ZNF804B: variants seen among roughly 807,000 people sequenced by gnomAD.
ZNF804B encodes the protein zinc finger protein 804B.
A neutral mutation model predicts 101.4 loss-of-function variants in ZNF804B; 80 were observed. That is an observed-to-expected ratio of 0.79 (90% CI 0.66 to 0.95). ZNF804B has a LOEUF of 0.95. Among genes scored for constraint, ZNF804B ranks in the 40% least tolerant of loss-of-function variants. ZNF804B has a pLI of 0.00. For synonymous variants in ZNF804B, 622 were observed against 558.8 expected (o/e 1.11, Z -1.59); for missense variants, 1,673 against 1,561.9 (o/e 1.07, Z -1.20).
intron 1 of ZNF804B, among the ~76,000 whole-genome samples, chr7:88,947,280 G>A (rs1793148825): frequency 6.6e-6 from 1 of 151,994 alleles, no homozygotes; most frequent in Admixed American, 6.6e-5. Flanking sequence ...GCTCATCAGT[G>A]ATAGACCGGA....
At chr7:88,773,731 A>T (rs146380115) in intron 1 of ZNF804B, among the ~76,000 whole-genome samples, 313 of 152,136 alleles carry the variant, frequency 2.1e-3, no homozygotes, top group African/African-American at 7.3e-3. Context: ...GGGAGGTTTT[A>T]GGAAGCTTAC....
intron 1 of ZNF804B, among the ~76,000 whole-genome samples, chr7:89,129,467 C>G (rs1270592285): frequency 1.3e-5 from 2 of 151,930 alleles, no homozygotes; most frequent in Non-Finnish European, 2.9e-5. Flanking sequence ...GTGCACTTCC[C>G]AAGCAACCTA....
intron 1 of ZNF804B, among the ~76,000 whole-genome samples, chr7:88,838,743 G>T (rs1314827777): frequency 6.6e-6 from 1 of 151,794 alleles, no homozygotes; most frequent in East Asian, 1.9e-4. Flanking sequence ...TCTTAATCTT[G>T]AAAACTGAGA....
chr7:89,040,509 C>T (rs1789000442), intron 1 of ZNF804B, among the ~76,000 whole-genome samples: 1 of 152,078 alleles, frequency 6.6e-6, no homozygotes, highest in African/African-American at 2.4e-5. Flanking sequence ...TTCATTGATA[C>T]ATTGTTTTCT....
intron 2 of ZNF804B, among the ~76,000 whole-genome samples, chr7:89,289,303 C>T (rs28848771): frequency 2.6e-5 from 4 of 151,836 alleles, no homozygotes; most frequent in Non-Finnish European, 5.9e-5. Flanking sequence ...CTCCGTTGAT[C>T]GTCTGCCCCA....
chr7:89,291,694 G>C (rs1262607410), intron 2 of ZNF804B, among the ~76,000 whole-genome samples: 1 of 151,850 alleles, frequency 6.6e-6, no homozygotes, highest in Admixed American at 6.6e-5. Context: ...AGAGAGAGAG[G>C]GATTAGGGTA....
intron 2 of ZNF804B, among the ~76,000 whole-genome samples, chr7:89,312,304 T>C (rs1676783422): frequency 1.3e-5 from 2 of 152,170 alleles, no homozygotes; most frequent in Non-Finnish European, 2.9e-5. Context: ...AGTTAAACTC[T>C]GACAAGCAAT....
intron 1 of ZNF804B, among the ~76,000 whole-genome samples, chr7:89,210,289 A>C (rs993251098): frequency 2.6e-5 from 4 of 151,960 alleles, no homozygotes; most frequent in Admixed American, 2.6e-4. Context: ...GAGATTAAAA[A>C]CTCCTGAAAA....
intron 2 of ZNF804B, among the ~76,000 whole-genome samples, chr7:89,240,244 C>A (rs1789346732): frequency 2.0e-5 from 3 of 152,034 alleles, no homozygotes; most frequent in Admixed American, 2.0e-4. Flanking sequence ...AGTAACAGAA[C>A]CTAGCCTGTA....
intron 1 of ZNF804B, among the ~76,000 whole-genome samples, chr7:89,065,132 C>T (rs1033151235): frequency 2.6e-5 from 4 of 152,102 alleles, no homozygotes; most frequent in South Asian, 4.1e-4. Context: ...AAGAACCCTC[C>T]GATAGGAGCT....
chr7:88,776,780 A>C (rs1425162102), intron 1 of ZNF804B, among the ~76,000 whole-genome samples: 114 of 83,468 alleles, frequency 1.4e-3, no homozygotes, highest in Middle Eastern at 5.3e-3. Context: ...TAACCCATAA[A>C]CCCCCCCCCC....
intron 1 of ZNF804B, among the ~76,000 whole-genome samples, chr7:88,934,362 C>A (rs1048823919): frequency 6.6e-6 from 1 of 151,866 alleles, no homozygotes; most frequent in African/African-American, 2.4e-5. Context: ...TCCTAAGACT[C>A]CAAAAGCAAA....
At chr7:88,807,583 A>AT (rs910290690) in intron 1 of ZNF804B, among the ~76,000 whole-genome samples, 12 of 151,158 alleles carry the variant, frequency 7.9e-5, no homozygotes, top group South Asian at 2.1e-4. Flanking sequence ...TAAATTAATC[A>AT]TTTTTTTTTC....
At chr7:89,161,470 A>G (rs1791060765) in intron 1 of ZNF804B, among the ~76,000 whole-genome samples, 1 of 113,502 alleles carries the variant, frequency 8.8e-6, no homozygotes, top group African/African-American at 3.0e-5. Flanking sequence ...TTTTACTACT[A>G]TTTAACTTGG....
chr7:89,132,165 C>CACAT (rs369342365), intron 1 of ZNF804B, among the ~76,000 whole-genome samples: 2 of 63,576 alleles, frequency 3.1e-5, no homozygotes, highest in Non-Finnish European at 5.8e-5. Flanking sequence ...AACACACGCA[C>CACAT]ACATACACAC....
chr7:89,060,878 T>A (rs1240369509), intron 1 of ZNF804B, among the ~76,000 whole-genome samples: 1 of 152,130 alleles, frequency 6.6e-6, no homozygotes, highest in East Asian at 1.9e-4. Context: ...CATCGGCATT[T>A]GTGAAATACA....
intron 1 of ZNF804B, among the ~76,000 whole-genome samples, chr7:88,848,030 G>C (rs939138754): frequency 6.6e-6 from 1 of 152,166 alleles, no homozygotes; most frequent in African/African-American, 2.4e-5. Context: ...CCAATCAGAA[G>C]TGATTTTGCC....
chr7:89,155,042 A>G (rs7781087), intron 1 of ZNF804B, among the ~76,000 whole-genome samples: 61,457 of 151,878 alleles, frequency 0.4, 12,628 homozygotes, highest in Non-Finnish European at 0.43. Flanking sequence ...TACACAAAAA[A>G]TTAAAAATTA....
intron 3 of ZNF804B, among the ~76,000 whole-genome samples, chr7:89,328,251 T>C (rs930757583): frequency 2.0e-5 from 3 of 151,946 alleles, no homozygotes; most frequent in Admixed American, 6.6e-5. Context: ...CTCAATTAGT[T>C]ACCACAAAAT....
Sources: gnomAD v4.1 joint callset for allele counts (sites outside exome capture counted in the v4.1 genomes callset) on GRCh38, gnomAD v4.1.1 for gene constraint, MANE v1.5 for transcripts, NCBI Gene and HGNC (gene_info 2026-07-23, HGNC 2026-07-21) for gene names.